ANKS1B: variants seen among roughly 807,000 people sequenced by gnomAD.
The protein encoded by ANKS1B is ankyrin repeat and sterile alpha motif domain-containing protein 1B.
Under a neutral mutation model 148.3 loss-of-function variants are expected in ANKS1B, and 36 were observed. That is an observed-to-expected ratio of 0.24 (90% CI 0.19 to 0.32). The LOEUF is 0.32. ANKS1B is among the 10% of genes least tolerant of loss of function. The probability of loss-of-function intolerance (pLI) is 1.00; values close to 1 mark genes in which losing one functional copy is unlikely to be tolerated. For synonymous variants in ANKS1B, 542 were observed against 560.8 expected (o/e 0.97, Z 0.47); for missense variants, 1,157 against 1,542.6 (o/e 0.75, Z 4.19).
intron 9 of ANKS1B, among the ~76,000 whole-genome samples, chr12:99,513,226 T>C (rs1182608896): frequency 6.6e-6 from 1 of 152,018 alleles, no homozygotes; most frequent in African/African-American, 2.4e-5. Context: ...TAATTAGGTA[T>C]GTACTCTTTT....
At chr12:99,487,540 G>A (rs1355729628) in intron 10 of ANKS1B, among the ~76,000 whole-genome samples, 2 of 151,398 alleles carry the variant, frequency 1.3e-5, no homozygotes, top group African/African-American at 4.8e-5. Flanking sequence ...CCTATATAAA[G>A]TTAGGCATTG....
intron 1 of ANKS1B, among the ~76,000 whole-genome samples, chr12:99,877,287 T>G (rs1338072825): frequency 6.6e-6 from 1 of 152,272 alleles, no homozygotes; most frequent in Non-Finnish European, 1.5e-5. Flanking sequence ...CTCTCTGGTT[T>G]AATCTTCCCC....
At chr12:99,761,046 T>C (rs1423902109) in intron 8 of ANKS1B, among the ~76,000 whole-genome samples, 2 of 30,452 alleles carry the variant, frequency 6.6e-5, no homozygotes, top group East Asian at 5.4e-4. Flanking sequence ...ATGGAATCAG[T>C]AATAAAAAGC....
At chr12:99,181,624 T>C (rs879221650) in intron 14 of ANKS1B, among the ~76,000 whole-genome samples, 1 of 152,138 alleles carries the variant, frequency 6.6e-6, no homozygotes, top group Non-Finnish European at 1.5e-5. Flanking sequence ...AAACATTTTT[T>C]CAAGAGAAAG....
intron 1 of ANKS1B, among the ~76,000 whole-genome samples, chr12:99,870,883 C>T (rs1285185316): frequency 2.6e-5 from 4 of 152,106 alleles, no homozygotes; most frequent in Admixed American, 2.0e-4. Flanking sequence ...TCTGTTTACT[C>T]TGTTGATAGT....
At chr12:99,431,943 G>A (rs535335287) in intron 11 of ANKS1B, among the ~76,000 whole-genome samples, 2 of 152,312 alleles carry the variant, frequency 1.3e-5, no homozygotes, top group Admixed American at 6.5e-5. Flanking sequence ...GATCTCTCAT[G>A]AATGGCTTGG....
At chr12:99,853,276 C>G (rs773709836) in intron 1 of ANKS1B, among the ~76,000 whole-genome samples, 1 of 152,226 alleles carries the variant, frequency 6.6e-6, no homozygotes, top group Non-Finnish European at 1.5e-5. Context: ...TGGAGGGCAA[C>G]CAACACAAAA....
Position 99,204,257 on chromosome 12 carries a change from A to G in ANKS1B, c.2419+40085T>C, listed in dbSNP as rs569163373. ...CAGGTGTAAATAGCTAAAAATAAAA[A>G]TTCATATCCTTCTGAAATGCTGGCT... On this transcript the variant is annotated intron_variant, in intron 14 of 26. Transcript: ENST00000683438. Among the ~76,000 whole-genome samples the G allele has an allele frequency of 3.3e-5, 5 of 152,362 alleles. No homozygotes were observed. The South Asian group carries it at 1.0e-3, about 32-fold the overall frequency.
chr12:99,489,977 T>A (rs2096540131), intron 10 of ANKS1B, among the ~76,000 whole-genome samples: 1 of 152,220 alleles, frequency 6.6e-6, no homozygotes, highest in Non-Finnish European at 1.5e-5. Flanking sequence ...CCTGGCTAAA[T>A]CTGATAGTTA....
intron 17 of ANKS1B, among the ~76,000 whole-genome samples, chr12:98,999,189 T>C (rs1248876597): frequency 6.6e-6 from 1 of 152,144 alleles, no homozygotes; most frequent in Non-Finnish European, 1.5e-5. Context: ...TGAAAGTCAG[T>C]GAGCAAGGTA....
intron 1 of ANKS1B, among the ~76,000 whole-genome samples, chr12:99,830,557 A>C (rs2083813033): frequency 6.6e-6 from 1 of 151,978 alleles, no homozygotes; most frequent in Admixed American, 6.6e-5. Flanking sequence ...TAGCACCAGA[A>C]TAGAGAGCTC....
rs1250125545 is a variant in ANKS1B at position 99,405,636 on chromosome 12, A to G, written c.1576-5825T>C. Among the ~76,000 whole-genome samples, 2 of 145,152 alleles carry G rather than the reference A, an allele frequency of 1.4e-5. 1 individual carries two copies. Among genetic ancestry groups the G allele is most frequent in the African/African-American group, 5.2e-5 (2 of 38,370 alleles). ...GGAGGAAGGAGAGAAGGAGGAGATC[A>G]CACAAAAAACTAGAAAACAAATAAC... is the stretch of plus-strand genomic sequence containing the variant. On this transcript the variant is annotated intron_variant, in intron 11 of 26. Transcript: ENST00000683438.
chr12:98,950,663 A>C (rs1031369769), intron 17 of ANKS1B, among the ~76,000 whole-genome samples: 1 of 152,186 alleles, frequency 6.6e-6, no homozygotes, highest in Non-Finnish European at 1.5e-5. Context: ...TTTACCAATG[A>C]AAATAACCCC....
intron 14 of ANKS1B, among the ~76,000 whole-genome samples, chr12:99,155,732 C>T (rs2075961827): frequency 6.6e-6 from 1 of 152,172 alleles, no homozygotes; most frequent in South Asian, 2.1e-4. Flanking sequence ...TGGGAGAGAA[C>T]TTGCAGAAAG....
At chr12:99,216,500 T>TA (rs542018395) in intron 14 of ANKS1B, among the ~76,000 whole-genome samples, 3 of 152,288 alleles carry the variant, frequency 2.0e-5, no homozygotes, top group South Asian at 2.1e-4. Flanking sequence ...TTTCTTTTTT[T>TA]AAAAAAATCT....
intron 8 of ANKS1B, 53 bp from the exon 9 acceptor site, chr12:99,655,263 T>C (rs2098444483): frequency 7.1e-7 from 1 of 1,417,288 alleles, no homozygotes; most frequent in Non-Finnish European, 9.6e-7. Flanking sequence ...TATTTAGATA[T>C]CTTAACATCA....
At chr12:99,812,008 A>T (rs1001148931) in intron 3 of ANKS1B, 147 bp downstream of exon 3, 6 of 930,854 alleles carry the variant, frequency 6.4e-6, no homozygotes, top group Non-Finnish European at 9.2e-6. Flanking sequence ...CCAAACACCA[A>T]AGAATTTTTC....
In ANKS1B at chr12:99,270,422, A is replaced by G. The variant is rs189608202; in HGVS notation, c.1757-23558T>C. The stretch of plus-strand genomic sequence containing the variant: ...TCCTCCAGTCATTCCTATCTAATGT[A>G]TCATCTTCCTATTTTATTTACCTGA... On this transcript the variant is annotated intron_variant, in intron 12 of 26. Coordinates refer to ENST00000683438, the MANE Select transcript of ANKS1B (RefSeq NM_001352186.2). Among the ~76,000 whole-genome samples the G allele has an allele frequency of 2.8e-3, 433 of 152,208 alleles. 2 individuals carry two copies. The highest frequency in any genetic ancestry group is 9.8e-3 in the African/African-American group (409 of 41,544).
intron 15 of ANKS1B, among the ~76,000 whole-genome samples, chr12:99,116,090 T>A (rs1437872456): frequency 1.3e-5 from 2 of 152,162 alleles, no homozygotes; most frequent in African/African-American, 4.8e-5. Context: ...TAGTTTCTAT[T>A]GTGTAGGATT....
Sources: gnomAD v4.1 joint callset for allele counts (sites outside exome capture counted in the v4.1 genomes callset) on GRCh38, gnomAD v4.1.1 for gene constraint, MANE v1.5 for transcripts, NCBI Gene and HGNC (gene_info 2026-07-23, HGNC 2026-07-21) for gene names.